LRGUK: variants seen among roughly 807,000 people sequenced by gnomAD.
LRGUK encodes the protein leucine rich repeats and guanylate kinase domain containing, also known as leucine-rich repeat and guanylate kinase domain-containing protein.
A neutral mutation model predicts 76.0 loss-of-function variants in LRGUK; 65 were observed. The ratio of observed to expected loss-of-function variants is 0.85; its 90% CI spans 0.70 to 1.05. The LOEUF (loss-of-function observed/expected upper bound fraction) is 1.05. Among genes scored for constraint, LRGUK ranks in the 50% least tolerant of loss-of-function variants. The pLI is 0.00. For synonymous variants in LRGUK, 268 were observed against 265.6 expected, an observed-to-expected ratio of 1.01 and a Z score of -0.09; for missense variants, 758 against 732.8, an observed-to-expected ratio of 1.03 and a Z score of -0.40.
At chr7:134,145,870 G>A (rs1585431627) in intron 4 of LRGUK, among the ~76,000 whole-genome samples, 1 of 152,194 alleles carries the variant, frequency 6.6e-6, no homozygotes, top group South Asian at 2.1e-4. Flanking sequence ...TTATTAGAAT[G>A]CTTTTGCTCT....
At chr7:134,255,774 T>C (rs576309029) in intron 18 of LRGUK, among the ~76,000 whole-genome samples, 2 of 151,674 alleles carry the variant, frequency 1.3e-5, no homozygotes, top group Admixed American at 6.5e-5. Flanking sequence ...TTTTATTTTC[T>C]TTTTTGACAC....
Position 134,168,478 on chromosome 7 carries a change from T to A in LRGUK, c.939+4938T>A, listed in dbSNP as rs150770245. Among the ~76,000 whole-genome samples, 41 of 152,242 alleles carry A rather than the reference T, an allele frequency of 2.7e-4. 2 individuals are homozygous for A. The highest frequency in any genetic ancestry group is 9.6e-4 in the African/African-American group (40 of 41,546). ...ATGCTTGGTTGATGTTTGAGCTGCA[T>A]GGGATGAGATTCTGGAATGACTGTG... On this transcript the variant is annotated intron_variant, in intron 7 of 15. Transcript: ENST00000645682.
chr7:134,140,255 C>T, intron 3 of LRGUK, among the ~76,000 whole-genome samples: 1 of 152,182 alleles, frequency 6.6e-6, no homozygotes, highest in East Asian at 1.9e-4. Context: ...CAGGTGTGAG[C>T]CACTGTGCCC....
chr7:134,270,056 A>G, the LRGUK span, among the ~76,000 whole-genome samples: 1 of 152,200 alleles, frequency 6.6e-6, no homozygotes, highest in African/African-American at 2.4e-5. Flanking sequence ...TACTCTCATC[A>G]CTCATTTAAC....
intron 16 of LRGUK, among the ~76,000 whole-genome samples, chr7:134,228,643 TTTAA>T (rs1416330536): frequency 1.3e-5 from 2 of 152,086 alleles, no homozygotes; most frequent in Admixed American, 6.5e-5. Flanking sequence ...ATAAAAAATG[TTTAA>T]TTAAAATATA....
In LRGUK at chr7:134,169,108, C is replaced by T. The variant is rs1435009010; in HGVS notation, c.940-5448C>T. On this transcript the variant is annotated intron_variant, in intron 7 of 15. Transcript: ENST00000645682. ...TGTAAGGTGGCCCTAAACCCAATGT[C>T]CTGATAAGAGGCTGAAGGGAAGAAG... is the stretch of plus-strand genomic sequence containing the variant. Among the ~76,000 whole-genome samples, 5 of 149,640 alleles carry T rather than the reference C, an allele frequency of 3.3e-5. No homozygotes were observed. In the South Asian group the frequency reaches 6.4e-4, roughly 19 times the overall value.
intron 15 of LRGUK, among the ~76,000 whole-genome samples, chr7:134,204,169 A>G (rs73441338): frequency 0.012 from 1,791 of 152,292 alleles, 37 homozygotes; most frequent in African/African-American, 0.042. Flanking sequence ...GGGCTTGAAC[A>G]AGACTTTGCC....
intron 3 of LRGUK, among the ~76,000 whole-genome samples, chr7:134,139,889 ATTC>A (rs1414423519): frequency 6.6e-6 from 1 of 151,240 alleles, no homozygotes; most frequent in Non-Finnish European, 1.5e-5. Flanking sequence ...TCTTTAACAG[ATTC>A]TTTTCTTTAT....
intron 15 of LRGUK, among the ~76,000 whole-genome samples, chr7:134,215,279 A>C (rs1010519455): frequency 1.3e-5 from 2 of 151,646 alleles, no homozygotes; most frequent in African/African-American, 4.8e-5. Context: ...GATATTTTCT[A>C]TGGCGCTGAA....
chr7:134,273,669 A>G, the LRGUK span, among the ~76,000 whole-genome samples: 22 of 152,296 alleles, frequency 1.4e-4, no homozygotes, highest in South Asian at 4.1e-3. Flanking sequence ...ACATACCCTC[A>G]TTAGCATAAA....
chr7:134,215,587 G>A (rs1801415455), intron 15 of LRGUK, among the ~76,000 whole-genome samples: 1 of 151,720 alleles, frequency 6.6e-6, no homozygotes, highest in African/African-American at 2.4e-5. Context: ...ATATGTATAC[G>A]TTTTATATAA....
At chr7:134,163,163 C>T (rs2031431437) in intron 6 of LRGUK, among the ~76,000 whole-genome samples, 1 of 152,260 alleles carries the variant, frequency 6.6e-6, no homozygotes, top group Admixed American at 6.5e-5. Flanking sequence ...CTTGCTTTAA[C>T]TTTAATGAAA....
At chr7:134,222,021 TTC>T in intron 16 of LRGUK, 103 bp downstream of exon 16, 4 of 1,133,890 alleles carry the variant, frequency 3.5e-6, no homozygotes, top group Non-Finnish European at 4.7e-6. Flanking sequence ...CCCAAAATTA[TTC>T]TCTCACTAGT....
intron 1 of LRGUK, among the ~76,000 whole-genome samples, chr7:134,133,145 A>G (rs1037418913): frequency 6.6e-6 from 1 of 152,058 alleles, no homozygotes; most frequent in Non-Finnish European, 1.5e-5. Flanking sequence ...ATGTTTGAGC[A>G]CTCACCACAT....
chr7:134,156,867 A>G (rs1045368541), intron 5 of LRGUK, among the ~76,000 whole-genome samples: 7 of 152,216 alleles, frequency 4.6e-5, no homozygotes, highest in Non-Finnish European at 7.3e-5. Context: ...AGAAATCATT[A>G]AAGAGATATT....
exon 16 of LRGUK, chr7:134,210,256 G>C: frequency 5.0e-6 from 2 of 398,954 alleles, no homozygotes; most frequent in African/African-American, 2.1e-5. Flanking sequence ...GTCTAAGCTA[G>C]TATTTCAGTG....
At chr7:134,199,985 T>TAC (rs1192960073) in intron 14 of LRGUK, among the ~76,000 whole-genome samples, 29 of 14,200 alleles carry the variant, frequency 2.0e-3, no homozygotes, top group African/African-American at 0.01. Context: ...GAAACTTTTA[T>TAC]ATATATATAT....
At chr7:134,167,272 G>T (rs752125766) in intron 7 of LRGUK, among the ~76,000 whole-genome samples, 2 of 152,088 alleles carry the variant, frequency 1.3e-5, no homozygotes, top group Non-Finnish European at 2.9e-5. Flanking sequence ...AGTGCTGATG[G>T]GTGCACACTT....
chr7:134,178,933 A>AAAAAAAAAAAAAAAAAAAC lies in LRGUK; in HGVS notation c.1214+339_1214+340insAAACAAAAAAAAAAAAAAA, dbSNP rs1228638281. 3.8e-3 allele frequency among the ~76,000 whole-genome samples: 52 copies of AAAAAAAAAAAAAAAAAAAC among 13,564 alleles called. 1 individual carries two copies. Among genetic ancestry groups the AAAAAAAAAAAAAAAAAAAC allele is most frequent in the East Asian group, 9.4e-3 (8 of 850 alleles). The allele number at this position is 13,564 out of a possible 152,430, so 8.9% of individuals were successfully genotyped here. A position where few individuals can be genotyped will look rare whatever the true frequency, so the allele number is the denominator to read the frequency against. ...CACACAACAGTGAAATCTCAAAAAA[A>AAAAAAAAAAAAAAAAAAAC]AAAAAAAAAAAAAAACCAGGACCAA... On this transcript the variant is annotated intron_variant, in intron 10 of 15. Coordinates refer to ENST00000645682, the Ensembl canonical transcript of LRGUK.
Sources: gnomAD v4.1 joint callset for allele counts (sites outside exome capture counted in the v4.1 genomes callset) on GRCh38, gnomAD v4.1.1 for gene constraint, MANE v1.5 for transcripts, NCBI Gene and HGNC (gene_info 2026-07-23, HGNC 2026-07-21) for gene names.